Variants in GREM2 observed in about 807,000 individuals in gnomAD.
GREM2 encodes gremlin-2.
A neutral mutation model predicts 14.2 loss-of-function variants in GREM2; 11 were observed. The observed-to-expected ratio is 0.78, with a 90% CI of 0.49 to 1.28. The LOEUF is 1.28. Among genes scored for constraint, GREM2 ranks in the 50% most tolerant of loss-of-function variants. The probability of loss-of-function intolerance (pLI) is 0.00; values close to 1 mark genes in which losing one functional copy is unlikely to be tolerated. For missense variants in GREM2, 210 were observed against 218.5 expected (o/e 0.96, Z 0.24); for synonymous variants, 98 against 97.6 (o/e 1.00, Z -0.02).
intron 1 of GREM2, among the ~76,000 whole-genome samples, chr1:240,545,727 G>GGTAT (rs1558157152): frequency 1.3e-5 from 2 of 152,134 alleles, no homozygotes; most frequent in East Asian, 3.9e-4. Context: ...TTGCTTGCTT[G>GGTAT]GTATGTGGGG....
intron 1 of GREM2, among the ~76,000 whole-genome samples, chr1:240,495,895 G>A (rs1013243145): frequency 3.3e-5 from 5 of 151,846 alleles, no homozygotes; most frequent in Admixed American, 2.6e-4. Flanking sequence ...TAGGCTTTGT[G>A]AATTCCAGTA....
At chr1:240,514,938 C>G (rs895888033) in intron 1 of GREM2, among the ~76,000 whole-genome samples, 2 of 149,668 alleles carry the variant, frequency 1.3e-5, no homozygotes, top group African/African-American at 4.9e-5. Context: ...AAGCCTCTAT[C>G]TCAAACAACA....
Position 240,522,015 on chromosome 1 carries a change from G to A in GREM2, c.-1-28539C>T, listed in dbSNP as rs142328179. Among the ~76,000 whole-genome samples the A allele has an allele frequency of 9.9e-3, 1,498 of 151,108 alleles. 21 individuals carry two copies. The highest frequency in any genetic ancestry group is 0.034 in the African/African-American group (1,406 of 41,108). On this transcript the variant is annotated intron_variant, in intron 1 of 1. Transcript: ENST00000318160. Reference sequence around the variant, plus strand: ...CACACCTGTAGTCCCAGCTACTCGGGAGGCTGATGTAGGAGGATTGCTTGA... The same window carrying A: ...CACACCTGTAGTCCCAGCTACTCGGAAGGCTGATGTAGGAGGATTGCTTGA...
intron 1 of GREM2, among the ~76,000 whole-genome samples, chr1:240,599,215 C>T (rs1331365053): frequency 2.8e-4 from 43 of 151,006 alleles, no homozygotes; most frequent in Non-Finnish European, 1.5e-5. Flanking sequence ...TTCCAGTGAG[C>T]CAAGATCATG....
At chr1:240,531,174 G>A (rs59583480) in intron 1 of GREM2, among the ~76,000 whole-genome samples, 6,074 of 152,250 alleles carry the variant, frequency 0.04, 396 homozygotes, top group African/African-American at 0.14. Flanking sequence ...ATTCCCATAA[G>A]AGGAAGAAAT....
intron 1 of GREM2, among the ~76,000 whole-genome samples, chr1:240,521,421 A>C (rs773099276): frequency 4.2e-4 from 64 of 151,488 alleles, no homozygotes; most frequent in Non-Finnish European, 8.8e-4. Flanking sequence ...ACAAAAAACA[A>C]TTAGCCGGGC....
At position 240,489,693 on chromosome 1, in the gene GREM2, G is replaced by A. The variant is rs1165741308; in HGVS notation, c.*3276C>T. The A allele has an allele frequency of 6.6e-6, 1 of 152,130 alleles. No individual in the cohort carries two copies. Among genetic ancestry groups the A allele is most frequent in the Non-Finnish European group, 1.5e-5 (1 of 68,028 alleles). 9.4% of individuals were successfully genotyped at this position (152,130 alleles called of 1,614,324 possible). On this transcript the variant is annotated 3_prime_UTR_variant, in exon 2 of 2. Transcript: ENST00000318160. ...ACTTGGTCTTATTGTTATCATTCAT[G>A]CAGACATTAATAATCAGTGGTGATA... is the stretch of plus-strand genomic sequence containing the variant.
intron 1 of GREM2, among the ~76,000 whole-genome samples, chr1:240,575,985 G>A (rs531501171): frequency 6.6e-6 from 1 of 151,222 alleles, no homozygotes; most frequent in Non-Finnish European, 1.5e-5. Context: ...GGTAAAACCC[G>A]AGAAAGAAAA....
chr1:240,537,191 G>A (rs1352655487), intron 1 of GREM2, among the ~76,000 whole-genome samples: 1 of 152,118 alleles, frequency 6.6e-6, no homozygotes, highest in African/African-American at 2.4e-5. Context: ...TTTAAACACT[G>A]TGAGCAAACA....
intron 1 of GREM2, among the ~76,000 whole-genome samples, chr1:240,549,241 C>G (rs1678796514): frequency 6.6e-6 from 1 of 151,218 alleles, no homozygotes; most frequent in African/African-American, 2.4e-5. Context: ...GAGGCCGAGG[C>G]AGGAGAATTG....
At position 240,577,543 on chromosome 1, in the gene GREM2, G is replaced by C. The variant is rs191349724; in HGVS notation, c.-2+34341C>G. 1.7e-3 allele frequency among the ~76,000 whole-genome samples: 252 copies of C among 152,316 alleles called. 1 individual carries two copies. Among genetic ancestry groups the C allele is most frequent in the African/African-American group, 5.1e-3 (213 of 41,574 alleles). On this transcript the variant is annotated intron_variant, in intron 1 of 1. Coordinates refer to ENST00000318160, the MANE Select transcript of GREM2 (RefSeq NM_022469.4). ...CATGTAAGAGTGATTGATGACGGGAGGTGGGCCTACAATTTACATGCATGT... is the reference window on the plus strand; with the variant it reads ...CATGTAAGAGTGATTGATGACGGGACGTGGGCCTACAATTTACATGCATGT...
At chr1:240,610,602 G>A (rs1361402882) in intron 1 of GREM2, among the ~76,000 whole-genome samples, 1 of 152,134 alleles carries the variant, frequency 6.6e-6, no homozygotes, top group Non-Finnish European at 1.5e-5. Flanking sequence ...TCCTTGGTCG[G>A]GCACATGTCT....
At chr1:240,521,487 C>T (rs1160807150) in intron 1 of GREM2, among the ~76,000 whole-genome samples, 5 of 151,844 alleles carry the variant, frequency 3.3e-5, no homozygotes, top group South Asian at 4.2e-4. Context: ...AGGAGAATGG[C>T]GTGAACCCGG....
intron 1 of GREM2, among the ~76,000 whole-genome samples, chr1:240,498,823 A>G (rs998264293): frequency 2.6e-5 from 4 of 152,200 alleles, no homozygotes; most frequent in African/African-American, 9.7e-5. Context: ...TATCAGAAGA[A>G]ACTCATAAAT....
intron 1 of GREM2, among the ~76,000 whole-genome samples, chr1:240,596,900 A>C (rs1166008700): frequency 1.3e-5 from 2 of 152,174 alleles, no homozygotes; most frequent in Non-Finnish European, 2.9e-5. Context: ...CAGAGAGAAA[A>C]AAAGGACCTG....
At chr1:240,580,344 G>C (rs1679461732) in intron 1 of GREM2, among the ~76,000 whole-genome samples, 1 of 152,116 alleles carries the variant, frequency 6.6e-6, no homozygotes, top group African/African-American at 2.4e-5. Context: ...TTAAATTTCT[G>C]TTCTTAACCA....
chr1:240,558,267 A>C (rs926510187), intron 1 of GREM2, among the ~76,000 whole-genome samples: 9 of 152,132 alleles, frequency 5.9e-5, no homozygotes, highest in African/African-American at 2.2e-4. Context: ...AATCAGCTGG[A>C]AACTTTGATA....
intron 1 of GREM2, among the ~76,000 whole-genome samples, chr1:240,571,736 G>C (rs1335242292): frequency 6.6e-6 from 1 of 152,046 alleles, no homozygotes; most frequent in African/African-American, 2.4e-5. Flanking sequence ...AAAGATTTGG[G>C]TCAATTTCTT....
At chr1:240,525,001 T>C (rs1264189364) in intron 1 of GREM2, among the ~76,000 whole-genome samples, 1 of 151,720 alleles carries the variant, frequency 6.6e-6, no homozygotes, top group Non-Finnish European at 1.5e-5. Flanking sequence ...AGTTCACACA[T>C]TGACTGTGAG....
Sources: gnomAD v4.1 joint callset for allele counts (sites outside exome capture counted in the v4.1 genomes callset) on GRCh38, gnomAD v4.1.1 for gene constraint, MANE v1.5 for transcripts, NCBI Gene and HGNC (gene_info 2026-07-23, HGNC 2026-07-21) for gene names.